XIRP2: variants seen among roughly 807,000 people sequenced by gnomAD.
The protein encoded by XIRP2 is xin actin-binding repeat-containing protein 2.
A neutral mutation model predicts 277.0 loss-of-function variants in XIRP2; 236 were observed. The ratio of observed to expected loss-of-function variants is 0.85; its 90% CI spans 0.77 to 0.95. The LOEUF is 0.95. Ranked by LOEUF, XIRP2 falls within the 40% of genes least tolerant of loss-of-function variation. The probability of loss-of-function intolerance (pLI) is 0.00; values close to 1 mark genes in which losing one functional copy is unlikely to be tolerated. For synonymous variants in XIRP2, 1,490 were observed against 1,416.5 expected, an observed-to-expected ratio of 1.05 and a Z score of -1.17; for missense variants, 4,640 against 4,157.5, an observed-to-expected ratio of 1.12 and a Z score of -3.19.
At chr2:167,003,788 C>T (rs1004445721) in intron 2 of XIRP2, among the ~76,000 whole-genome samples, 1 of 151,826 alleles carries the variant, frequency 6.6e-6, no homozygotes, top group East Asian at 1.9e-4. Flanking sequence ...GCCAATAACT[C>T]CAGCTGATGC....
intron 2 of XIRP2, among the ~76,000 whole-genome samples, chr2:167,090,668 TACA>T (rs1206322612): frequency 6.6e-6 from 1 of 152,074 alleles, no homozygotes; most frequent in Non-Finnish European, 1.5e-5. Flanking sequence ...GGCACTGCAT[TACA>T]ACATGGTGGA....
intron 2 of XIRP2, among the ~76,000 whole-genome samples, chr2:166,945,152 C>A (rs1412929171): frequency 6.6e-6 from 1 of 152,106 alleles, no homozygotes; most frequent in African/African-American, 2.4e-5. Context: ...CCAGGGTCAT[C>A]CGCCCACTTC....
chr2:167,243,412 G>T lies in XIRP2; in HGVS notation c.2020G>T (p.Glu674Ter). 6.2e-7 allele frequency: 1 copy of T among 1,613,990 alleles called. No individual in the cohort carries two copies. The change falls in exon 9 of 11, where the codon GAA becomes TAA. Residue 674 changes from glutamate (E) to a stop codon, truncating the protein, a stop_gained. Transcript: ENST00000409195. LOFTEE classifies it high-confidence loss of function. ...AATGAATAAAATGCATCAAAGTCAA[G>T]AAGAATCAGCGGTAACTATCAGTAA... ...DSMNKMHQSQ[E>*]ESAVTISKDI...
At position 167,060,538 on chromosome 2, in the gene XIRP2, A is replaced by G. The variant is rs192980134; in HGVS notation, c.409-75371A>G. Among the ~76,000 whole-genome samples the G allele has an allele frequency of 2.5e-3, 383 of 152,330 alleles. 1 individual carries two copies. The highest frequency in any genetic ancestry group is 7.7e-3 in the Admixed American group (118 of 15,302). Reference sequence around the variant, plus strand: ...GTTTTTTGTATATATAGTGTGAAATAATAACTGAGGTTCATTCTTTTGAGT... The same window carrying G: ...GTTTTTTGTATATATAGTGTGAAATGATAACTGAGGTTCATTCTTTTGAGT... On this transcript the variant is annotated intron_variant, in intron 2 of 10. Transcript: ENST00000409195.
intron 2 of XIRP2, among the ~76,000 whole-genome samples, chr2:167,095,473 T>A (rs778383434): frequency 1.3e-5 from 2 of 152,206 alleles, no homozygotes; most frequent in African/African-American, 2.4e-5. Context: ...CTCTTATTAT[T>A]TTGAGATACA....
chr2:167,221,757 C>T (rs780368863), intron 5 of XIRP2, among the ~76,000 whole-genome samples: 9 of 152,082 alleles, frequency 5.9e-5, no homozygotes, highest in South Asian at 2.1e-4. Flanking sequence ...AATCTCTTTG[C>T]TGTTGAAAGT....
At chr2:166,959,454 G>A (rs929642432) in intron 2 of XIRP2, among the ~76,000 whole-genome samples, 3 of 151,768 alleles carry the variant, frequency 2.0e-5, no homozygotes, top group Non-Finnish European at 2.9e-5. Context: ...CTCAGAAGCC[G>A]TGTACTTACA....
At chr2:166,932,175 C>A (rs1038496210) in intron 2 of XIRP2, among the ~76,000 whole-genome samples, 9 of 149,418 alleles carry the variant, frequency 6.0e-5, no homozygotes, top group African/African-American at 2.2e-4. Flanking sequence ...TTATCATCTT[C>A]CTGTTTGTGA....
At chr2:167,077,893 C>T (rs1286356864) in intron 2 of XIRP2, among the ~76,000 whole-genome samples, 3 of 152,088 alleles carry the variant, frequency 2.0e-5, no homozygotes, top group Admixed American at 6.5e-5. Flanking sequence ...TAGTATAGTT[C>T]GACGTTGGGT....
Position 167,245,387 on chromosome 2 carries a change from A to G in XIRP2, c.3995A>G (p.His1332Arg). ...ATTCAAGACCGAGAAGGGTCCTATC[A>G]TGAAGTGACCACAGTTAAAAAAGAA... ...YAIQDREGSY[H>R]EVTTVKKEEV... is the part of the protein sequence containing the mutation. Residue 1332 changes from histidine (H) to arginine (R), a missense_variant, in exon 9 of 11, where the codon CAT (histidine) becomes CGT (arginine). Physicochemically the swap from His to Arg is conservative, Grantham distance 29. Transcript: ENST00000409195. The G allele has an allele frequency of 6.2e-7, 1 of 1,613,772 alleles. No individual in the cohort carries two copies. The highest frequency in any genetic ancestry group is 8.5e-7 in the Non-Finnish European group (1 of 1,179,744).
chr2:167,148,423 G>A (rs1019818317), intron 3 of XIRP2, among the ~76,000 whole-genome samples: 1 of 130,486 alleles, frequency 7.7e-6, no homozygotes, highest in African/African-American at 2.8e-5. Flanking sequence ...AAGAGAGAAA[G>A]AAAGAAAGAA....
chr2:167,156,095 A>G (rs984631709), intron 3 of XIRP2, among the ~76,000 whole-genome samples: 56 of 151,524 alleles, frequency 3.7e-4, no homozygotes, highest in Non-Finnish European at 5.6e-4. Flanking sequence ...ATGAAATAAA[A>G]GAGGATACAA....
chr2:166,890,185 G>A (rs1390463093), intron 1 of XIRP2, among the ~76,000 whole-genome samples: 1 of 151,840 alleles, frequency 6.6e-6, no homozygotes, highest in South Asian at 2.1e-4. Context: ...AGTAGAGATG[G>A]GGTTTCACCG....
At chr2:167,072,677 A>G (rs1231659595) in intron 2 of XIRP2, among the ~76,000 whole-genome samples, 4 of 152,192 alleles carry the variant, frequency 2.6e-5, no homozygotes. Flanking sequence ...AGAAATATTC[A>G]ACAATGACTT....
chr2:167,205,675 A>AT (rs1183337677), intron 3 of XIRP2, among the ~76,000 whole-genome samples: 2 of 152,156 alleles, frequency 1.3e-5, no homozygotes, highest in East Asian at 3.8e-4. Flanking sequence ...TTCTTCATTT[A>AT]TATTTGCCTG....
At chr2:167,253,544 A>G (rs1323472648) in intron 9 of XIRP2, among the ~76,000 whole-genome samples, 1 of 151,840 alleles carries the variant, frequency 6.6e-6, no homozygotes, top group Non-Finnish European at 1.5e-5. Context: ...AAACATATGT[A>G]TTTTAGAAAG....
chr2:166,941,815 C>G (rs1685726987), intron 2 of XIRP2, among the ~76,000 whole-genome samples: 1 of 152,124 alleles, frequency 6.6e-6, no homozygotes, highest in African/African-American at 2.4e-5. Context: ...TACTTGAAGA[C>G]AGTTTTGTAT....
At chr2:167,089,410 A>G (rs575012786) in intron 2 of XIRP2, among the ~76,000 whole-genome samples, 3 of 152,300 alleles carry the variant, frequency 2.0e-5, no homozygotes, top group Non-Finnish European at 2.9e-5. Flanking sequence ...AACTGATACA[A>G]TCATATAAGT....
In XIRP2 at chr2:167,258,430, A is replaced by G; in HGVS notation, c.*613A>G. ...AAATGAAAATGCCTGAAGGAAGAAA[A>G]GATGAAAAGAAGGAAGGAAGGAAGA... On this transcript the variant is annotated 3_prime_UTR_variant, in exon 11 of 11. Transcript: ENST00000409195. The G allele has an allele frequency of 4.3e-6, 7 of 1,613,332 alleles. No individual in the cohort carries two copies. Among genetic ancestry groups the G allele is most frequent in the Non-Finnish European group, 5.1e-6 (6 of 1,179,666 alleles).
Sources: allele counts gnomAD v4.1 joint callset (sites outside exome capture counted in the v4.1 genomes callset), GRCh38; gene constraint gnomAD v4.1.1; transcripts MANE v1.5; gene names NCBI Gene and HGNC (gene_info 2026-07-23, HGNC 2026-07-21).